The following GRIK2 variants were observed in gnomAD, a reference collection of about 807,000 sequenced individuals.
The protein encoded by GRIK2 is glutamate ionotropic receptor kainate type subunit 2.
In GRIK2, 32 loss-of-function variants were observed where a neutral mutation model predicts 100.3. The observed-to-expected ratio is 0.32, with a 90% CI of 0.24 to 0.43. The LOEUF is 0.43. Ranked by LOEUF, GRIK2 falls within the 20% of genes least tolerant of loss-of-function variation. GRIK2 has a pLI of 1.00. For synonymous variants in GRIK2, 417 were observed against 389.4 expected, an observed-to-expected ratio of 1.07 and a Z score of -0.83; for missense variants, 843 against 1,114.9, an observed-to-expected ratio of 0.76 and a Z score of 3.47.
At chr6:102,060,842 TTAAAATGCGTTTCACAGC>T (rs538122483) in intron 16 of GRIK2, among the ~76,000 whole-genome samples, 43 of 150,860 alleles carry the variant, frequency 2.9e-4, no homozygotes, top group African/African-American at 1.0e-3. Flanking sequence ...TTACTTTTTC[TTAAAATGCGTTTCACAGC>T]TATATTGACT....
intron 9 of GRIK2, among the ~76,000 whole-genome samples, chr6:101,809,383 A>T (rs1474053111): frequency 6.6e-6 from 1 of 151,942 alleles, no homozygotes; most frequent in South Asian, 2.1e-4. Flanking sequence ...TTTACTATTG[A>T]CCTTTCTTTT....
At chr6:101,416,010 A>G (rs1042524052) in intron 2 of GRIK2, among the ~76,000 whole-genome samples, 9 of 152,286 alleles carry the variant, frequency 5.9e-5, no homozygotes, top group African/African-American at 1.9e-4. Context: ...CAATCAATCA[A>G]TCATTTAATT....
intron 14 of GRIK2, among the ~76,000 whole-genome samples, chr6:101,973,484 A>G (rs1419507110): frequency 6.6e-6 from 1 of 151,942 alleles, no homozygotes; most frequent in Non-Finnish European, 1.5e-5. Flanking sequence ...ACATAGAAAG[A>G]TTCTCACTAC....
intron 14 of GRIK2, among the ~76,000 whole-genome samples, chr6:101,998,698 T>TA (rs564929482): frequency 6.1e-4 from 93 of 152,250 alleles, no homozygotes; most frequent in Non-Finnish European, 8.2e-4. Context: ...CCTTAATGTA[T>TA]AATGTTACAT....
intron 2 of GRIK2, among the ~76,000 whole-genome samples, chr6:101,401,737 C>T (rs1775316345): frequency 6.6e-6 from 1 of 152,180 alleles, no homozygotes; most frequent in South Asian, 2.1e-4. Flanking sequence ...TGGTTGAGCA[C>T]GTATAAGCCA....
chr6:101,784,955 G>A (rs1450275936), intron 7 of GRIK2, among the ~76,000 whole-genome samples: 2 of 152,008 alleles, frequency 1.3e-5, no homozygotes, highest in African/African-American at 4.8e-5. Flanking sequence ...CATGTTTTTG[G>A]TTTGCATTTG....
At chr6:101,889,402 C>T (rs537313671) in intron 11 of GRIK2, among the ~76,000 whole-genome samples, 1 of 151,518 alleles carries the variant, frequency 6.6e-6, no homozygotes, top group African/African-American at 2.4e-5. Context: ...TATCTACTTC[C>T]AATAAATGCT....
intron 2 of GRIK2, among the ~76,000 whole-genome samples, chr6:101,401,581 A>G (rs944416838): frequency 6.6e-6 from 1 of 152,130 alleles, no homozygotes; most frequent in Non-Finnish European, 1.5e-5. Flanking sequence ...GTGGAGATGC[A>G]TTTCTTCTGA....
At chr6:101,720,167 A>C (rs2128364711) in intron 7 of GRIK2, among the ~76,000 whole-genome samples, 1 of 152,082 alleles carries the variant, frequency 6.6e-6, no homozygotes, top group South Asian at 2.1e-4. Context: ...ACTTACAAAA[A>C]AGGGTACTGC....
At chr6:102,062,300 T>C (rs1255283776) in intron 16 of GRIK2, among the ~76,000 whole-genome samples, 1 of 150,572 alleles carries the variant, frequency 6.6e-6, no homozygotes, top group Non-Finnish European at 1.5e-5. Flanking sequence ...CTGTATAATT[T>C]AGTATTCAAA....
intron 7 of GRIK2, among the ~76,000 whole-genome samples, chr6:101,725,897 G>C (rs1774829535): frequency 6.6e-6 from 1 of 151,812 alleles, no homozygotes; most frequent in Non-Finnish European, 1.5e-5. Context: ...TTAAAGAAGG[G>C]AATTTTTCTT....
At chr6:102,022,936 T>C (rs548156831) in intron 14 of GRIK2, among the ~76,000 whole-genome samples, 122 of 151,654 alleles carry the variant, frequency 8.0e-4, no homozygotes, top group African/African-American at 2.8e-3. Flanking sequence ...GTTGATATGA[T>C]CAAGATTGAG....
intron 14 of GRIK2, among the ~76,000 whole-genome samples, chr6:101,991,759 G>C (rs191516605): frequency 2.8e-4 from 42 of 151,590 alleles, no homozygotes; most frequent in African/African-American, 9.4e-4. Context: ...TTCTGTTGTT[G>C]TTGGTAGCAG....
chr6:101,806,626 GT>G (rs10666025), intron 9 of GRIK2, among the ~76,000 whole-genome samples: 2,124 of 141,584 alleles, frequency 0.015, 29 homozygotes, highest in African/African-American at 0.043. Flanking sequence ...CCTACAGAGG[GT>G]TTTTTTTTTT....
chr6:101,993,185 A>T (rs1794462731), intron 14 of GRIK2: 1 of 145,356 alleles, frequency 6.9e-6, no homozygotes, highest in South Asian at 2.1e-4. Context: ...GCAGAAGAAG[A>T]AAAAAAAAGA....
chr6:101,897,159 C>T (rs916108899), intron 12 of GRIK2, among the ~76,000 whole-genome samples: 16 of 151,840 alleles, frequency 1.1e-4, no homozygotes, highest in African/African-American at 3.9e-4. Flanking sequence ...ACATTTCTCA[C>T]TAGCTAATTC....
intron 2 of GRIK2, among the ~76,000 whole-genome samples, chr6:101,413,179 A>G (rs1775961972): frequency 6.6e-6 from 1 of 152,040 alleles, no homozygotes; most frequent in African/African-American, 2.4e-5. Context: ...AAACTTGGCT[A>G]CAAAAAATAG....
At chr6:101,934,403 C>A (rs1790489638) in intron 14 of GRIK2, among the ~76,000 whole-genome samples, 1 of 151,794 alleles carries the variant, frequency 6.6e-6, no homozygotes, top group Non-Finnish European at 1.5e-5. Flanking sequence ...TCTGATCTTA[C>A]CAGCTCAATA....
chr6:101,573,013 A>G (rs1031985105), intron 2 of GRIK2, among the ~76,000 whole-genome samples: 15 of 151,154 alleles, frequency 9.9e-5, no homozygotes, highest in Admixed American at 2.6e-4. Context: ...TTCCCGGCTT[A>G]TTTTTGTATT....
Sources: allele counts gnomAD v4.1 joint callset (sites outside exome capture counted in the v4.1 genomes callset), GRCh38; gene constraint gnomAD v4.1.1; transcripts MANE v1.5; gene names NCBI Gene and HGNC (gene_info 2026-07-23, HGNC 2026-07-21).